Variants in EPHB1 observed in about 807,000 individuals in gnomAD.
EPHB1 encodes ephrin type-B receptor 1.
In EPHB1, 30 loss-of-function variants were observed where a neutral mutation model predicts 94.4. The ratio of observed to expected loss-of-function variants is 0.32; its 90% CI spans 0.24 to 0.43. The LOEUF (loss-of-function observed/expected upper bound fraction) is 0.43. Among genes scored for constraint, EPHB1 ranks in the 20% least tolerant of loss-of-function variants. The pLI, the probability that EPHB1 is intolerant of heterozygous loss-of-function variation, is 1.00. For missense variants in EPHB1, 1,055 were observed against 1,308.3 expected, an observed-to-expected ratio of 0.81 and a Z score of 2.99; for synonymous variants, 522 against 489.1, an observed-to-expected ratio of 1.07 and a Z score of -0.89.
At chr3:134,901,611 G>A (rs141642824) in intron 1 of EPHB1, among the ~76,000 whole-genome samples, 1,988 of 152,320 alleles carry the variant, frequency 0.013, 29 homozygotes, top group Non-Finnish European at 0.016. Flanking sequence ...GCATCTCACT[G>A]AGTGCAGCCT....
chr3:135,069,580 G>A (rs1475197567), intron 3 of EPHB1, among the ~76,000 whole-genome samples: 1 of 152,186 alleles, frequency 6.6e-6, no homozygotes, highest in Non-Finnish European at 1.5e-5. Context: ...AGGTGGGATT[G>A]AAACTGATCC....
intron 9 of EPHB1, 79 bp downstream of exon 9, chr3:135,167,085 A>G (rs1308106911): frequency 6.5e-7 from 1 of 1,529,082 alleles, no homozygotes; most frequent in Non-Finnish European, 9.0e-7. Context: ...AGCTCTCTTT[A>G]TAGCCAGACT....
chr3:134,917,278 G>C (rs991126211), intron 1 of EPHB1, among the ~76,000 whole-genome samples: 1 of 152,174 alleles, frequency 6.6e-6, no homozygotes, highest in African/African-American at 2.4e-5. Context: ...GGCCAAGCTG[G>C]GCTGGGCAGG....
At chr3:135,143,460 C>A (rs1940897791) in intron 5 of EPHB1, among the ~76,000 whole-genome samples, 1 of 152,148 alleles carries the variant, frequency 6.6e-6, no homozygotes, top group Non-Finnish European at 1.5e-5. Flanking sequence ...GGTCCTCCAG[C>A]TGCATTAGGG....
chr3:134,831,409 C>T (rs923626281), intron 1 of EPHB1, among the ~76,000 whole-genome samples: 1 of 152,196 alleles, frequency 6.6e-6, no homozygotes, highest in Non-Finnish European at 1.5e-5. Context: ...CGGGCCATGG[C>T]CTTTCACACT....
intron 4 of EPHB1, among the ~76,000 whole-genome samples, chr3:135,112,758 A>G (rs2107801999): frequency 6.6e-6 from 1 of 151,876 alleles, no homozygotes; most frequent in South Asian, 2.1e-4. Flanking sequence ...CATGGTGTAT[A>G]TGTGCCACAT....
At chr3:135,225,877 C>A (rs1002433017) in intron 12 of EPHB1, among the ~76,000 whole-genome samples, 1 of 152,028 alleles carries the variant, frequency 6.6e-6, no homozygotes, top group African/African-American at 2.4e-5. Flanking sequence ...GGGTTCTAGA[C>A]CCACCAGGCT....
chr3:134,852,660 G>C lies in EPHB1; in HGVS notation c.58+56971G>C, dbSNP rs541697102. Reference sequence around the variant, plus strand: ...AGGTGTCCGTATCTGTGCAGTAAATGTGGGGTGTGTGTGTGTGTGTGTGTG... The same window carrying C: ...AGGTGTCCGTATCTGTGCAGTAAATCTGGGGTGTGTGTGTGTGTGTGTGTG... On this transcript the variant is annotated intron_variant, in intron 1 of 15. Coordinates refer to ENST00000398015, the MANE Select transcript of EPHB1 (RefSeq NM_004441.5). 3 of 61,322 alleles carry C rather than the reference G, an allele frequency of 4.9e-5. No homozygotes were observed. The East Asian group carries it at 1.9e-3, about 39-fold the overall frequency. 3.8% of individuals were successfully genotyped at this position (61,322 alleles called of 1,614,324 possible).
At chr3:135,072,489 C>T (rs1302077552) in intron 3 of EPHB1, among the ~76,000 whole-genome samples, 1 of 152,170 alleles carries the variant, frequency 6.6e-6, no homozygotes, top group Non-Finnish European at 1.5e-5. Context: ...CCCTCTGGAA[C>T]CTGACTCCGT....
intron 1 of EPHB1, among the ~76,000 whole-genome samples, chr3:134,827,290 T>G (rs1186049265): frequency 6.6e-6 from 1 of 152,246 alleles, no homozygotes; most frequent in African/African-American, 2.4e-5. Flanking sequence ...CTCTATAATC[T>G]AAGCTTCCCA....
At chr3:135,237,126 C>T (rs1943675178) in intron 12 of EPHB1, among the ~76,000 whole-genome samples, 1 of 152,092 alleles carries the variant, frequency 6.6e-6, no homozygotes, top group Admixed American at 6.5e-5. Flanking sequence ...CTGTCTGAAG[C>T]TGAGGGACTA....
At chr3:134,863,982 G>C (rs943801474) in intron 1 of EPHB1, among the ~76,000 whole-genome samples, 2 of 152,158 alleles carry the variant, frequency 1.3e-5, no homozygotes, top group Non-Finnish European at 2.9e-5. Context: ...GGGACAGAGG[G>C]GTGGGAAATC....
At chr3:135,033,235 A>G (rs944020957) in intron 3 of EPHB1, among the ~76,000 whole-genome samples, 2 of 152,108 alleles carry the variant, frequency 1.3e-5, no homozygotes, top group Non-Finnish European at 2.9e-5. Flanking sequence ...GGAATCGTTT[A>G]TGGTGGGTTC....
intron 1 of EPHB1, among the ~76,000 whole-genome samples, chr3:134,875,478 C>G (rs368557815): frequency 4.1e-4 from 62 of 152,146 alleles, no homozygotes; most frequent in African/African-American, 1.4e-3. Context: ...GAGTGAGGAG[C>G]GGTTGATGGC....
intron 10 of EPHB1, among the ~76,000 whole-genome samples, chr3:135,189,374 C>T (rs151087444): frequency 1.3e-3 from 200 of 152,244 alleles, no homozygotes; most frequent in African/African-American, 4.6e-3. Flanking sequence ...TCAGCCTGAG[C>T]GGCATGTCAG....
At chr3:134,885,498 C>T (rs777813996) in intron 1 of EPHB1, among the ~76,000 whole-genome samples, 24 of 152,146 alleles carry the variant, frequency 1.6e-4, no homozygotes, top group African/African-American at 5.8e-4. Flanking sequence ...AATATGCCAA[C>T]GTCCATGTAT....
intron 3 of EPHB1, among the ~76,000 whole-genome samples, chr3:135,052,632 C>A (rs1041818921): frequency 6.6e-6 from 1 of 151,040 alleles, no homozygotes; most frequent in East Asian, 2.0e-4. Context: ...GAGGCCGAGG[C>A]GGGCGGATCA....
chr3:135,214,741 T>C (rs547899105), intron 12 of EPHB1, among the ~76,000 whole-genome samples: 2 of 152,334 alleles, frequency 1.3e-5, no homozygotes, highest in South Asian at 4.1e-4. Context: ...GCTTCCATGC[T>C]GAAATCTGTA....
chr3:135,208,932 T>C (rs997268199), intron 12 of EPHB1, among the ~76,000 whole-genome samples: 9 of 152,090 alleles, frequency 5.9e-5, no homozygotes, highest in Admixed American at 2.0e-4. Flanking sequence ...AAATGTGAGA[T>C]GAGACCAACA....
Sources: allele counts gnomAD v4.1 joint callset (sites outside exome capture counted in the v4.1 genomes callset), GRCh38; gene constraint gnomAD v4.1.1; transcripts MANE v1.5; gene names NCBI Gene and HGNC (gene_info 2026-07-23, HGNC 2026-07-21).